Variants in ITGAV observed in about 807,000 individuals in gnomAD.
ITGAV encodes the protein integrin subunit alpha V.
In ITGAV, 76 loss-of-function variants were observed where a neutral mutation model predicts 143.8. The observed-to-expected ratio is 0.53, with a 90% CI of 0.44 to 0.64. The LOEUF (loss-of-function observed/expected upper bound fraction) is 0.64. ITGAV is among the 30% of genes least tolerant of loss of function. The probability of loss-of-function intolerance (pLI) is 0.00; values close to 1 mark genes in which losing one functional copy is unlikely to be tolerated. For synonymous variants in ITGAV, 453 were observed against 446.7 expected (o/e 1.01, Z -0.18); for missense variants, 1,193 against 1,274.7 (o/e 0.94, Z 0.98).
At chr2:186,669,323 A>C (rs891410795) in intron 25 of ITGAV, among the ~76,000 whole-genome samples, 7 of 152,232 alleles carry the variant, frequency 4.6e-5, no homozygotes, top group Non-Finnish European at 8.8e-5. Context: ...CATCTCCATC[A>C]TAGATTTGCA....
chr2:186,630,961 G>T, intron 5 of ITGAV, 103 bp downstream of exon 5: 1 of 568,190 alleles, frequency 1.8e-6, no homozygotes, highest in Non-Finnish European at 3.2e-6. Context: ...ACAGCTGTTA[G>T]CTCTTTAATG....
At chr2:186,668,675 AACAT>A in intron 24 of ITGAV, 83 bp from the exon 25 acceptor site, 1 of 1,184,470 alleles carries the variant, frequency 8.4e-7, no homozygotes, top group South Asian at 1.3e-5. Flanking sequence ...ACCTATTGCT[AACAT>A]GATTTCTAAA....
At chr2:186,595,026 AGTT>A (rs931941122) in intron 1 of ITGAV, among the ~76,000 whole-genome samples, 1 of 152,352 alleles carries the variant, frequency 6.6e-6, no homozygotes, top group South Asian at 2.1e-4. Context: ...GTTTTACAGT[AGTT>A]GTTGACTGGC....
chr2:186,645,400 C>T (rs1212684609), intron 12 of ITGAV, among the ~76,000 whole-genome samples: 1 of 151,158 alleles, frequency 6.6e-6, no homozygotes, highest in Non-Finnish European at 1.5e-5. Context: ...TGGAAGCTAG[C>T]TTGGTGTGTT....
chr2:186,591,757 A>C (rs559308553), intron 1 of ITGAV, among the ~76,000 whole-genome samples: 1 of 152,118 alleles, frequency 6.6e-6, no homozygotes, highest in African/African-American at 2.4e-5. Context: ...CATAGATTAG[A>C]TGCAGTTAAT....
chr2:186,653,533 A>G (rs3768787), intron 15 of ITGAV, among the ~76,000 whole-genome samples: 28,008 of 152,158 alleles, frequency 0.18, 2,734 homozygotes, highest in Non-Finnish European at 0.22. Context: ...ATATTTTTGA[A>G]TTATTGTTAT....
intron 10 of ITGAV, 132 bp downstream of exon 10, chr2:186,638,597 A>G: frequency 1.5e-6 from 1 of 675,122 alleles, no homozygotes; most frequent in African/African-American, 1.8e-5. Flanking sequence ...AACTCTTACC[A>G]TTTTGGTCAA....
intron 12 of ITGAV, 58 bp from the exon 13 acceptor site, chr2:186,646,628 C>A (rs1374455827): frequency 3.0e-6 from 4 of 1,341,310 alleles, no homozygotes; most frequent in Non-Finnish European, 4.1e-6. Flanking sequence ...TCTTCCCTTT[C>A]TTTTCCTCCT....
rs1689284607 is a variant in ITGAV, at chr2:186,678,929, C to T, written c.*1637C>T. ...ACTGAGCTAATCTTGAGAATATATT[C>T]GTAAAATAGGAGCACATTTAGTTGA... On this transcript the variant is annotated 3_prime_UTR_variant, in exon 30 of 30. Coordinates refer to ENST00000261023, the MANE Select transcript of ITGAV (RefSeq NM_002210.5). The T allele has an allele frequency of 2.8e-6, 1 of 353,080 alleles. No individual in the cohort carries two copies. Among genetic ancestry groups the T allele is most frequent in the South Asian group, 2.3e-5 (1 of 44,374 alleles). 21.9% of individuals were successfully genotyped at this position (353,080 alleles called of 1,614,324 possible).
intron 25 of ITGAV, among the ~76,000 whole-genome samples, 168 bp from the exon 26 acceptor site, chr2:186,669,533 C>G (rs974200858): frequency 6.6e-6 from 1 of 152,154 alleles, no homozygotes; most frequent in Non-Finnish European, 1.5e-5. Context: ...AGACTCTAAT[C>G]TTTATTTTCT....
chr2:186,612,043 C>T (rs984325565), intron 2 of ITGAV, among the ~76,000 whole-genome samples: 2 of 152,072 alleles, frequency 1.3e-5, no homozygotes, highest in African/African-American at 2.4e-5. Flanking sequence ...ATGTTGTGCC[C>T]ATACTAGAAC....
chr2:186,634,171 A>T (rs560551165), intron 6 of ITGAV, among the ~76,000 whole-genome samples: 6 of 152,342 alleles, frequency 3.9e-5, no homozygotes, highest in Non-Finnish European at 5.9e-5. Flanking sequence ...GAACATATGT[A>T]CAATAGATTA....
intron 20 of ITGAV, among the ~76,000 whole-genome samples, chr2:186,664,844 A>G (rs1232647641): frequency 6.6e-6 from 1 of 152,218 alleles, no homozygotes; most frequent in Non-Finnish European, 1.5e-5. Flanking sequence ...TAGAATTGCA[A>G]GCTAAGTGCC....
At chr2:186,637,032 C>G (rs200061251) in intron 7 of ITGAV, 33 bp from the exon 8 acceptor site, 4 of 1,595,890 alleles carry the variant, frequency 2.5e-6, no homozygotes, top group Admixed American at 3.3e-5. Flanking sequence ...ACGTCCTTGT[C>G]CTGATGGTTC....
intron 5 of ITGAV, among the ~76,000 whole-genome samples, chr2:186,631,698 A>G (rs1455797405): frequency 6.6e-6 from 1 of 152,202 alleles, no homozygotes; most frequent in Non-Finnish European, 1.5e-5. Flanking sequence ...AAATTGAAAT[A>G]ATATGATGCA....
intron 13 of ITGAV, among the ~76,000 whole-genome samples, chr2:186,648,828 G>A (rs1688335694): frequency 1.3e-5 from 2 of 151,572 alleles, no homozygotes; most frequent in Admixed American, 6.6e-5. Flanking sequence ...AAATAAAAAT[G>A]ATTATTTTTA....
At chr2:186,608,738 G>C (rs1373395716) in intron 2 of ITGAV, among the ~76,000 whole-genome samples, 1 of 152,060 alleles carries the variant, frequency 6.6e-6, no homozygotes, top group Non-Finnish European at 1.5e-5. Context: ...CATATGGTGG[G>C]TTGCCTGTGT....
intron 2 of ITGAV, among the ~76,000 whole-genome samples, chr2:186,616,286 T>A (rs898924000): frequency 1.4e-5 from 2 of 143,912 alleles, no homozygotes; most frequent in African/African-American, 5.1e-5. Flanking sequence ...TTTTTTTTTT[T>A]TTTTTTTTTT....
rs139597038 is a variant in ITGAV at position 186,678,063 on chromosome 2, A to G, written c.*771A>G. 6.6e-6 allele frequency: 1 copy of G among 152,110 alleles called. No homozygotes were observed. The highest frequency in any genetic ancestry group is 2.4e-5 in the African/African-American group (1 of 41,434). The allele number at this position is 152,110 out of a possible 1,614,324, so 9.4% of individuals were successfully genotyped here. A position where few individuals can be genotyped will look rare whatever the true frequency, so the allele number is the denominator to read the frequency against. ...TTGTGTAATTGTTTAATTTCACCTG[A>G]ATATCATAATGCTTAAAGCCATATG... On this transcript the variant is annotated 3_prime_UTR_variant, in exon 30 of 30. Coordinates refer to ENST00000261023, the MANE Select transcript of ITGAV (RefSeq NM_002210.5).
Sources: allele counts gnomAD v4.1 joint callset (sites outside exome capture counted in the v4.1 genomes callset), GRCh38; gene constraint gnomAD v4.1.1; transcripts MANE v1.5; gene names NCBI Gene and HGNC (gene_info 2026-07-23, HGNC 2026-07-21).